PPP2R3B: variants seen among roughly 807,000 people sequenced by gnomAD.
The protein encoded by PPP2R3B is serine/threonine-protein phosphatase 2A regulatory subunit B'' subunit beta.
PPP2R3B carries 68 observed loss-of-function variants against 72.9 expected under a neutral mutation model. That is an observed-to-expected ratio of 0.93 (90% confidence interval 0.77 to 1.14). PPP2R3B has a LOEUF of 1.14. PPP2R3B is among the 50% of genes most tolerant of loss of function. The pLI, the probability that PPP2R3B is intolerant of heterozygous loss-of-function variation, is 0.00. For synonymous variants in PPP2R3B, 466 were observed against 375.8 expected (o/e 1.24, Z -2.78); for missense variants, 1,018 against 842.0 (o/e 1.21, Z -2.59).
At chrX:345,005 G>C (rs2071166231) in intron 7 of PPP2R3B, 1 of 360,900 alleles carries the variant, frequency 2.8e-6, no homozygotes, top group Admixed American at 3.7e-5. Flanking sequence ...TCCTGCAAGT[G>C]TGGATGACTC....
chrX:355,825 C>T (rs1192129559), intron 2 of PPP2R3B, among the ~76,000 whole-genome samples: 4 of 152,212 alleles, frequency 2.6e-5, no homozygotes, highest in African/African-American at 7.2e-5. Flanking sequence ...GGCAGGTGCG[C>T]GTCAGAAAGC....
chrX:346,728 G>A lies in PPP2R3B; in HGVS notation c.765C>T (p.Ser255=). The change falls in exon 5 of 13, where the codon TCC becomes TCT. Residue 255 remains serine, a synonymous_variant. Transcript: ENST00000390665. ...TGGTGATGTAGCGCGAGTGGAACTC[G>A]GACGCCTCCTTCAGGAACGACAGCC... ...HPGLSFLKEA[S]EFHSRYITTV... The A allele has an allele frequency of 5.6e-6, 9 of 1,610,212 alleles. No individual in the cohort carries two copies. The highest frequency in any genetic ancestry group is 7.6e-6 in the Non-Finnish European group (9 of 1,178,630).
In PPP2R3B at chrX:347,614, T is replaced by G; in HGVS notation, c.590A>C (p.His197Pro). Residue 197 changes from histidine (H) to proline (P), a missense_variant, in exon 3 of 13, where the codon CAC becomes CCC. His to Pro is a moderately conservative substitution (Grantham distance 77). Coordinates refer to ENST00000390665, the MANE Select transcript of PPP2R3B (RefSeq NM_013239.5). ...CTTTCTCCACATGGCGACGAACTTG[T>G]GGACGGACACGGAGCCCGTGCGCTC... The part of the protein sequence containing the change: ...GGERTGSVSV[H>P]KFVAMWRKIL... 6.3e-7 allele frequency: 1 copy of G among 1,580,196 alleles called. No homozygotes were observed. The highest frequency in any genetic ancestry group is 1.1e-5 in the South Asian group (1 of 87,476).
At chrX:341,816 G>A (rs1241459722) in intron 8 of PPP2R3B, 67 bp downstream of exon 8, 11 of 1,554,960 alleles carry the variant, frequency 7.1e-6, no homozygotes, top group South Asian at 1.1e-5. Context: ...GTCAGGCAAC[G>A]ATGAGGAGAG....
At chrX:347,527 C>G in intron 3 of PPP2R3B, 63 bp downstream of exon 3, 1 of 1,505,260 alleles carries the variant, frequency 6.6e-7, no homozygotes, top group African/African-American at 1.4e-5. Context: ...CGTCCTGGCA[C>G]CACGGGGACC....
At chrX:348,147 G>GA (rs1447131742) in intron 2 of PPP2R3B, among the ~76,000 whole-genome samples, 4 of 152,146 alleles carry the variant, frequency 2.6e-5, no homozygotes, top group Admixed American at 6.6e-5. Context: ...CGTGAGGAAG[G>GA]AAAGTTTAAA....
intron 2 of PPP2R3B, among the ~76,000 whole-genome samples, chrX:352,374 A>G (rs2071348442): frequency 1.3e-5 from 2 of 152,248 alleles, no homozygotes; most frequent in Non-Finnish European, 2.9e-5. Flanking sequence ...GCCCCTCCGC[A>G]GTCCGCTACG....
chrX:370,323 G>A (rs762067446), intron 1 of PPP2R3B, among the ~76,000 whole-genome samples: 2 of 152,306 alleles, frequency 1.3e-5, no homozygotes, highest in South Asian at 2.1e-4. Flanking sequence ...GACTGCAGCC[G>A]AGCAACCGGG....
intron 1 of PPP2R3B, among the ~76,000 whole-genome samples, chrX:385,773 A>G (rs1418939766): frequency 6.6e-6 from 1 of 152,094 alleles, no homozygotes; most frequent in Non-Finnish European, 1.5e-5. Flanking sequence ...CCTGTCTCCA[A>G]AGAATTGTAA....
rs1182116109 is a variant in PPP2R3B, at chrX:334,639, T to C, written c.1578-122A>G. ...CACGAGACAGTCCCCTGAGCCGACC[T>C]TGAGCTCCAGCCGCTGAGCCAGCAA... On this transcript the variant is annotated intron_variant, in intron 12 of 12. Transcript: ENST00000390665. 1.0e-5 allele frequency: 12 copies of C among 1,161,192 alleles called. No individual in the cohort carries two copies. In the East Asian group the frequency reaches 1.6e-4, roughly 15 times the overall value. 71.9% of individuals were successfully genotyped at this position (1,161,192 alleles called of 1,614,324 possible).
chrX:372,940 A>C (rs1211880156), intron 1 of PPP2R3B, among the ~76,000 whole-genome samples: 1 of 152,164 alleles, frequency 6.6e-6, no homozygotes, highest in Non-Finnish European at 1.5e-5. Context: ...AAATAAATAT[A>C]AATAAATAAA....
At chrX:346,320 C>CGAGGAGGAGCCG (rs1207833883) in intron 5 of PPP2R3B, 60 bp from the exon 6 acceptor site, 1 of 1,495,778 alleles carries the variant, frequency 6.7e-7, no homozygotes, top group African/African-American at 1.4e-5. Context: ...TCGCCCCGCA[C>CGAGGAGGAGCCG]GGAGACCGGG....
At chrX:340,984 C>G in intron 9 of PPP2R3B, 44 bp from the exon 10 acceptor site, 1 of 1,590,970 alleles carries the variant, frequency 6.3e-7, no homozygotes, top group Non-Finnish European at 8.6e-7. Context: ...TGGGCCCTCC[C>G]AGCCCGTGAC....
chrX:342,094 G>A (rs2071092398), intron 7 of PPP2R3B, 163 bp from the exon 8 acceptor site: 2 of 765,010 alleles, frequency 2.6e-6, no homozygotes, highest in Non-Finnish European at 4.6e-6. Flanking sequence ...CCCATCCTAG[G>A]GGCCCACCAC....
In PPP2R3B at chrX:334,072, T is replaced by C. The variant is rs2070816576; in HGVS notation, c.*295A>G. On this transcript the variant is annotated 3_prime_UTR_variant, in exon 13 of 13. Transcript: ENST00000390665. ...GTCACCGTTGTGCGCACACGGACCC[T>C]TTCCACAGACGCAGGCCCCGGAACC... is the stretch of plus-strand genomic sequence containing the variant. The C allele has an allele frequency of 6.2e-6, 2 of 322,916 alleles. No homozygotes were observed. Among genetic ancestry groups the C allele is most frequent in the African/African-American group, 2.2e-5 (1 of 46,080 alleles). The allele number at this position is 322,916 out of a possible 1,614,324, so 20.0% of individuals were successfully genotyped here. A position where few individuals can be genotyped will look rare whatever the true frequency, so the allele number is the denominator to read the frequency against.
chrX:345,327 ACCCAGACACGGGG>A (rs1569384814), intron 7 of PPP2R3B, 176 bp downstream of exon 7: 1 of 838,304 alleles, frequency 1.2e-6, no homozygotes, highest in Non-Finnish European at 2.0e-6. Context: ...GCACGCGGGG[ACCCAGACACGGGG>A]CAGCGACTGG....
chrX:340,497 C>T (rs1444561667), intron 10 of PPP2R3B, among the ~76,000 whole-genome samples: 6 of 132,842 alleles, frequency 4.5e-5, no homozygotes, highest in Admixed American at 2.2e-4. Flanking sequence ...CCCTCCCGTC[C>T]GTCCCCTCAC....
In PPP2R3B at chrX:386,764, G is replaced by C. The variant is rs1452098459; in HGVS notation, c.-73C>G. The stretch of plus-strand genomic sequence containing the variant: ...GCCCCGGGGGCTTCGGTCCGCCCCG[G>C]ACCGACCTCGGTGATGCGAGCACGG... On this transcript the variant is annotated 5_prime_UTR_variant, in exon 1 of 13. Transcript: ENST00000390665. The C allele has an allele frequency of 2.0e-5, 20 of 1,006,840 alleles. No homozygotes were observed. Among genetic ancestry groups the C allele is most frequent in the Non-Finnish European group, 2.5e-5 (20 of 801,748 alleles). The allele number at this position is 1,006,840 out of a possible 1,614,324, so 62.4% of individuals were successfully genotyped here. A position where few individuals can be genotyped will look rare whatever the true frequency, so the allele number is the denominator to read the frequency against.
Position 341,108 on chromosome X carries a change from C to A in PPP2R3B, c.1176-168G>T, listed in dbSNP as rs368966959. 146 of 605,726 alleles carry A rather than the reference C, an allele frequency of 2.4e-4. 2 individuals carry two copies. In the Admixed American group the frequency reaches 9.7e-3, roughly 40 times the overall value. 37.5% of individuals were successfully genotyped at this position (605,726 alleles called of 1,614,324 possible). ...CCCTGCCGCCCCCACCGGGCGCGCA[C>A]GCGTCCCCCTGTGCCGTGCAGCCCC... On this transcript the variant is annotated intron_variant, in intron 9 of 12. Transcript: ENST00000390665.
Sources: gnomAD v4.1 joint callset for allele counts (sites outside exome capture counted in the v4.1 genomes callset) on GRCh38, gnomAD v4.1.1 for gene constraint, MANE v1.5 for transcripts, NCBI Gene and HGNC (gene_info 2026-07-23, HGNC 2026-07-21) for gene names.